Variants in KIF26B observed in about 807,000 individuals in gnomAD.
KIF26B encodes the protein kinesin family member 26B.
In KIF26B, 63 loss-of-function variants were observed where a neutral mutation model predicts 151.2. That is an observed-to-expected ratio of 0.42 (90% CI 0.34 to 0.51). The LOEUF (loss-of-function observed/expected upper bound fraction) is 0.51, where lower values mean the gene tolerates loss of function less well. Among genes scored for constraint, KIF26B ranks in the 20% least tolerant of loss-of-function variants. The probability of loss-of-function intolerance (pLI) is 0.07; values close to 1 mark genes in which losing one functional copy is unlikely to be tolerated. For synonymous variants in KIF26B, 1,357 were observed against 1,262.1 expected, an observed-to-expected ratio of 1.08 and a Z score of -1.59; for missense variants, 2,813 against 2,913.6, an observed-to-expected ratio of 0.97 and a Z score of 0.79.
chr1:245,306,655 C>A (rs1671560632), intron 2 of KIF26B, among the ~76,000 whole-genome samples: 1 of 152,118 alleles, frequency 6.6e-6, no homozygotes, highest in Non-Finnish European at 1.5e-5. Context: ...CTCCCCACCC[C>A]CCACCATCTA....
Position 245,287,795 on chromosome 1 carries a change from G to A in KIF26B, c.466-79039G>A, listed in dbSNP as rs527584126. Among the ~76,000 whole-genome samples the A allele has an allele frequency of 2.6e-5, 4 of 152,190 alleles. No individual in the cohort carries two copies. The South Asian group carries it at 8.3e-4, about 32-fold the overall frequency. On this transcript the variant is annotated intron_variant, in intron 2 of 14. Transcript: ENST00000407071. ...TGGGATTACAGGCGTGAGGCACCGC[G>A]CCCGGCCTGATCTCTTTACTGACAC...
chr1:245,159,899 C>T (rs1044662519), intron 2 of KIF26B, among the ~76,000 whole-genome samples: 7 of 152,054 alleles, frequency 4.6e-5, no homozygotes, highest in African/African-American at 1.5e-4. Context: ...ATTATTTGAA[C>T]GTAACGGAGT....
chr1:245,302,664 T>C (rs775574431), intron 2 of KIF26B, among the ~76,000 whole-genome samples: 14 of 152,132 alleles, frequency 9.2e-5, no homozygotes, highest in South Asian at 2.1e-4. Flanking sequence ...ATTTGTTATT[T>C]CTTCTAAAAC....
intron 2 of KIF26B, among the ~76,000 whole-genome samples, chr1:245,177,665 GGTGTGTGTGTGTGT>G (rs111597803): frequency 0.047 from 6,975 of 149,150 alleles, 209 homozygotes; most frequent in East Asian, 0.09. Flanking sequence ...TGTCCTTAGG[GGTGTGTGTGTGTGT>G]GTGTGTGTGT....
At chr1:245,547,470 C>T (rs1271267806) in intron 5 of KIF26B, among the ~76,000 whole-genome samples, 1 of 151,604 alleles carries the variant, frequency 6.6e-6, no homozygotes, top group Non-Finnish European at 1.5e-5. Context: ...CCTGTAATCC[C>T]AGCTACTCAG....
rs1670119361 is a variant in KIF26B, at chr1:245,236,834, G to C, written c.465+80151G>C. 2.0e-5 allele frequency among the ~76,000 whole-genome samples: 3 copies of C among 152,348 alleles called. No individual in the cohort carries two copies. In the South Asian group the frequency reaches 6.2e-4, roughly 32 times the overall value. ...TGCTCGCTGCTGTATCCCCAGGGCA[G>C]AACACCATGGGTGGCATGCAGTAGG... is the stretch of plus-strand genomic sequence containing the variant. On this transcript the variant is annotated intron_variant, in intron 2 of 14. Transcript: ENST00000407071.
intron 2 of KIF26B, among the ~76,000 whole-genome samples, chr1:245,242,871 C>T (rs555792747): frequency 1.6e-4 from 25 of 152,180 alleles, no homozygotes; most frequent in African/African-American, 4.1e-4. Flanking sequence ...AGGCTGGTCT[C>T]GAACTCCTGA....
intron 2 of KIF26B, among the ~76,000 whole-genome samples, chr1:245,175,489 C>T (rs6694616): frequency 0.12 from 18,269 of 152,054 alleles, 2,887 homozygotes; most frequent in African/African-American, 0.37. Context: ...GCAAAGTAAA[C>T]AGGCATGGTT....
Position 245,702,381 on chromosome 1 carries a change from G to A in KIF26B, c.6179-77G>A. The A allele has an allele frequency of 6.5e-7, 1 of 1,537,412 alleles. No individual in the cohort carries two copies. The highest frequency in any genetic ancestry group is 1.7e-4 in the Middle Eastern group (1 of 5,854). On this transcript the variant is annotated intron_variant, in intron 14 of 14. Transcript: ENST00000407071. The surrounding 1 kb of genome is among the most constrained non-coding windows in gnomAD (Gnocchi z 4.1). ...CCAAGGGGTAGATGTGGGGGTGGCAGCTCCAGGCTGAGCCGTCGGGAGTTG... is the reference window on the plus strand; with the variant it reads ...CCAAGGGGTAGATGTGGGGGTGGCAACTCCAGGCTGAGCCGTCGGGAGTTG...
rs79500064 is a variant in KIF26B, at chr1:245,276,864, G to A, written c.466-89970G>A. On this transcript the variant is annotated intron_variant, in intron 2 of 14. Coordinates refer to ENST00000407071, the MANE Select transcript of KIF26B (RefSeq NM_018012.4). ...GCAGTTCCTATTTTGCCATGTTGCC[G>A]AAGTCACTTCCTGGAATGAAGGTCT... 5.5e-3 allele frequency among the ~76,000 whole-genome samples: 844 copies of A among 152,246 alleles called. 19 individuals are homozygous for A. The East Asian group carries it at 0.065, about 12-fold the overall frequency.
chr1:245,258,007 T>A (rs1178634687), intron 2 of KIF26B, among the ~76,000 whole-genome samples: 8 of 150,772 alleles, frequency 5.3e-5, no homozygotes, highest in Admixed American at 5.3e-4. Context: ...GGTGACAGAG[T>A]GAGACTCTGT....
rs953436577 is a variant in KIF26B at position 245,563,177 on chromosome 1, G to A, written c.1350+22227G>A. The stretch of plus-strand genomic sequence containing the variant: ...AACCAGCACAATTCAAATGCTTTGC[G>A]TTAAATGCCAGTCAGTGTCTCTTCC... On this transcript the variant is annotated intron_variant, in intron 5 of 14. Transcript: ENST00000407071. This position sits in a 1 kb window ranked among gnomAD's most constrained non-coding sequence, Gnocchi z 4.6. Among the ~76,000 whole-genome samples, 5 of 152,166 alleles carry A rather than the reference G, an allele frequency of 3.3e-5. No homozygotes were observed. Among genetic ancestry groups the A allele is most frequent in the South Asian group, 2.1e-4 (1 of 4,830 alleles).
intron 2 of KIF26B, among the ~76,000 whole-genome samples, chr1:245,347,735 C>T (rs1672482855): frequency 6.6e-6 from 1 of 152,194 alleles, no homozygotes. Flanking sequence ...TTTTAGCTGC[C>T]ACCACTCAAT....
chr1:245,165,499 C>T (rs1017126494), intron 2 of KIF26B, among the ~76,000 whole-genome samples: 1 of 152,276 alleles, frequency 6.6e-6, no homozygotes, highest in East Asian at 1.9e-4. Flanking sequence ...TCTAGAGCGG[C>T]TTCTGAGGTG....
At chr1:245,254,569 G>C (rs1670500829) in intron 2 of KIF26B, among the ~76,000 whole-genome samples, 1 of 152,208 alleles carries the variant, frequency 6.6e-6, no homozygotes, top group Admixed American at 6.5e-5. Context: ...CCTATTGAAA[G>C]ATACTTGTGG....
Position 245,431,105 on chromosome 1 carries a change from C to T in KIF26B, c.1166+11360C>T, listed in dbSNP as rs145695327. ...CATTAACTAAGCAGTCTCAATGCAA[C>T]GATCTCAATGTGAGACCAAAGTAGA... On this transcript the variant is annotated intron_variant, in intron 4 of 14. Coordinates refer to ENST00000407071, the MANE Select transcript of KIF26B (RefSeq NM_018012.4). Among the ~76,000 whole-genome samples the T allele has an allele frequency of 8.6e-3, 1,303 of 152,316 alleles. 17 individuals carry two copies. The highest frequency in any genetic ancestry group is 0.028 in the African/African-American group (1,183 of 41,564).
chr1:245,631,658 GAGA>G (rs2043782835), intron 9 of KIF26B, among the ~76,000 whole-genome samples: 1 of 152,156 alleles, frequency 6.6e-6, no homozygotes, highest in Non-Finnish European at 1.5e-5. Flanking sequence ...GGAATAGTTT[GAGA>G]AGAATTGGTT....
intron 2 of KIF26B, among the ~76,000 whole-genome samples, chr1:245,163,371 A>C (rs983698114): frequency 3.9e-5 from 6 of 152,182 alleles, no homozygotes; most frequent in African/African-American, 1.4e-4. Context: ...TGAACTCCTG[A>C]CCTCAAGTGA....
intron 2 of KIF26B, among the ~76,000 whole-genome samples, chr1:245,173,186 C>T (rs1265414262): frequency 6.6e-6 from 1 of 152,138 alleles, no homozygotes; most frequent in Non-Finnish European, 1.5e-5. Context: ...ATATGAGATA[C>T]TTAGTGTAGT....
Sources: gnomAD v4.1 joint callset for allele counts (sites outside exome capture counted in the v4.1 genomes callset) on GRCh38, gnomAD v4.1.1 for gene constraint, Gnocchi (gnomAD v3.1) non-coding constraint, MANE v1.5 for transcripts, NCBI Gene and HGNC (gene_info 2026-07-23, HGNC 2026-07-21) for gene names.